Variants in TXNRD1 observed in about 807,000 individuals in gnomAD.
TXNRD1 encodes thioredoxin reductase 1.
A neutral mutation model predicts 80.3 loss-of-function variants in TXNRD1; 57 were observed. That is an observed-to-expected ratio of 0.71 (90% CI 0.57 to 0.89). The LOEUF is 0.89. TXNRD1 is among the 40% of genes least tolerant of loss of function. The pLI is 0.00. For missense variants in TXNRD1, 730 were observed against 803.0 expected (o/e 0.91, Z 1.10); for synonymous variants, 291 against 285.2 (o/e 1.02, Z -0.20).
At chr12:104,323,991 C>G (rs1419522956) in intron 10 of TXNRD1, among the ~76,000 whole-genome samples, 1 of 152,126 alleles carries the variant, frequency 6.6e-6, no homozygotes, top group African/African-American at 2.4e-5. Context: ...ATGGAAGGAA[C>G]CTTCTGTGGA....
At chr12:104,311,499 TG>T in intron 5 of TXNRD1, 87 bp downstream of exon 5, 1 of 1,498,356 alleles carries the variant, frequency 6.7e-7, no homozygotes, top group Non-Finnish European at 8.9e-7. Context: ...CCTCTCTCTG[TG>T]GAATTTATTT....
intron 1 of TXNRD1, among the ~76,000 whole-genome samples, chr12:104,249,829 C>G (rs982618990): frequency 4.7e-5 from 7 of 149,084 alleles, no homozygotes; most frequent in South Asian, 4.2e-4. Context: ...CAGCTACTCG[C>G]GAGGCTGAGG....
At chr12:104,315,034 C>T (rs1444588082) in intron 6 of TXNRD1, among the ~76,000 whole-genome samples, 10 of 152,154 alleles carry the variant, frequency 6.6e-5, no homozygotes, top group African/African-American at 2.2e-4. Context: ...TGAGCCACCA[C>T]GCCCAGCCAA....
chr12:104,316,201 A>G (rs1342595362), intron 7 of TXNRD1, among the ~76,000 whole-genome samples: 1 of 148,638 alleles, frequency 6.7e-6, no homozygotes, highest in Non-Finnish European at 1.5e-5. Context: ...AGGAAGTACT[A>G]ATTGCATTTG....
intron 10 of TXNRD1, among the ~76,000 whole-genome samples, chr12:104,322,541 C>T (rs1453647199): frequency 2.6e-5 from 4 of 151,782 alleles, no homozygotes; most frequent in Non-Finnish European, 2.9e-5. Flanking sequence ...CCACCACACC[C>T]GGCTAATTTT....
At chr12:104,245,647 TCAAAA>T (rs2032967891) in intron 1 of TXNRD1, among the ~76,000 whole-genome samples, 1 of 45,532 alleles carries the variant, frequency 2.2e-5, no homozygotes. Flanking sequence ...AGACCCTGTC[TCAAAA>T]AAAAAAAAAA....
intron 4 of TXNRD1, among the ~76,000 whole-genome samples, chr12:104,291,471 C>G (rs1301645683): frequency 6.8e-6 from 1 of 147,488 alleles, no homozygotes; most frequent in Non-Finnish European, 1.5e-5. Context: ...TGTGACCCAC[C>G]GCACCCAGCT....
chr12:104,227,470 A>G (rs1036111195), intron 1 of TXNRD1, among the ~76,000 whole-genome samples: 2 of 152,044 alleles, frequency 1.3e-5, no homozygotes, highest in African/African-American at 4.8e-5. Flanking sequence ...TCTTCTTATG[A>G]TGGCCAGGCT....
In TXNRD1 at chr12:104,347,804, A is replaced by G. The variant is rs34307084; in HGVS notation, c.1882-549A>G. On this transcript the variant is annotated intron_variant, in intron 16 of 16. Coordinates refer to ENST00000525566, the MANE Select transcript of TXNRD1 (RefSeq NM_001093771.3). ...GACTCGAACTCCATTCAGTGAAAAAAATGGAAGAATTAGCTATTTGTATCC... is the reference window on the plus strand; with the variant it reads ...GACTCGAACTCCATTCAGTGAAAAAGATGGAAGAATTAGCTATTTGTATCC... Among the ~76,000 whole-genome samples, 1,014 of 152,334 alleles carry G rather than the reference A, an allele frequency of 6.7e-3. 15 individuals carry two copies. The highest frequency in any genetic ancestry group is 0.023 in the African/African-American group (975 of 41,562).
At chr12:104,294,274 C>T (rs1392004472) in intron 4 of TXNRD1, among the ~76,000 whole-genome samples, 2 of 145,316 alleles carry the variant, frequency 1.4e-5, no homozygotes, top group African/African-American at 2.5e-5. Flanking sequence ...TGCTAAGTAG[C>T]GGGTGTTGTT....
intron 1 of TXNRD1, 106 bp downstream of exon 1, chr12:104,215,999 C>A: frequency 1.0e-6 from 1 of 961,156 alleles, no homozygotes; most frequent in South Asian, 1.6e-5. Context: ...TGAAGCCCCT[C>A]ACTGGAGTCA....
At chr12:104,316,968 TCTCA>T (rs1238428588) in intron 7 of TXNRD1, among the ~76,000 whole-genome samples, 1 of 152,204 alleles carries the variant, frequency 6.6e-6, no homozygotes, top group Non-Finnish European at 1.5e-5. Context: ...AAAATTTTGC[TCTCA>T]CTCAAACTAG....
At chr12:104,256,314 T>C (rs2033246662) in intron 2 of TXNRD1, among the ~76,000 whole-genome samples, 1 of 152,222 alleles carries the variant, frequency 6.6e-6, no homozygotes, top group Non-Finnish European at 1.5e-5. Context: ...ACACATTAGT[T>C]ACCATATGTG....
chr12:104,218,588 G>A (rs995001106), intron 1 of TXNRD1, among the ~76,000 whole-genome samples: 6 of 151,310 alleles, frequency 4.0e-5, no homozygotes, highest in African/African-American at 1.5e-4. Context: ...ATTAAAGCAC[G>A]GCTTTATACT....
At chr12:104,319,181 G>A in intron 8 of TXNRD1, 126 bp downstream of exon 8, 1 of 1,218,196 alleles carries the variant, frequency 8.2e-7, no homozygotes, top group East Asian at 2.6e-5. Context: ...ATCCAGTTTG[G>A]TGATTTTGCT....
At chr12:104,269,706 TAC>T (rs1458955217) in intron 3 of TXNRD1, among the ~76,000 whole-genome samples, 1 of 152,078 alleles carries the variant, frequency 6.6e-6, no homozygotes, top group Admixed American at 6.6e-5. Flanking sequence ...TAGCTGGGAC[TAC>T]AGGCACGCGA....
At chr12:104,314,738 C>CTTTTTTT (rs11330431) in intron 6 of TXNRD1, among the ~76,000 whole-genome samples, 9 of 103,664 alleles carry the variant, frequency 8.7e-5, no homozygotes, top group East Asian at 2.6e-4. Context: ...AAATTTTTTT[C>CTTTTTTT]TTTTTTTTTT....
chr12:104,340,883 TACTC>T (rs2036302052), intron 16 of TXNRD1, among the ~76,000 whole-genome samples: 1 of 152,240 alleles, frequency 6.6e-6, no homozygotes, highest in Non-Finnish European at 1.5e-5. Context: ...CATTTCAAGA[TACTC>T]ACAAGCTTCA....
At chr12:104,273,349 T>C (rs533009027) in intron 3 of TXNRD1, among the ~76,000 whole-genome samples, 30 of 152,214 alleles carry the variant, frequency 2.0e-4, no homozygotes, top group Admixed American at 1.8e-3. Flanking sequence ...ATCCCAGCAC[T>C]AATGGGAGGC....
Sources: gnomAD v4.1 joint callset for allele counts (sites outside exome capture counted in the v4.1 genomes callset) on GRCh38, gnomAD v4.1.1 for gene constraint, MANE v1.5 for transcripts, NCBI Gene and HGNC (gene_info 2026-07-23, HGNC 2026-07-21) for gene names.